Variants in RBM34 observed in about 807,000 individuals in gnomAD.
The protein encoded by RBM34 is RNA-binding protein 34.
Under a neutral mutation model 44.6 loss-of-function variants are expected in RBM34, and 39 were observed. The observed-to-expected ratio is 0.87, with a 90% CI of 0.68 to 1.14. The LOEUF (loss-of-function observed/expected upper bound fraction) is 1.14, where lower values mean the gene tolerates loss of function less well. Among genes scored for constraint, RBM34 ranks in the 50% most tolerant of loss-of-function variants. The pLI, the probability that RBM34 is intolerant of heterozygous loss-of-function variation, is 0.00. For missense variants in RBM34, 572 were observed against 517.9 expected (o/e 1.10, Z -1.01); for synonymous variants, 194 against 184.0 (o/e 1.05, Z -0.44).
At chr1:235,141,383 T>G (rs1033788775) in intron 6 of RBM34, among the ~76,000 whole-genome samples, 1 of 152,186 alleles carries the variant, frequency 6.6e-6, no homozygotes, top group Non-Finnish European at 1.5e-5. Flanking sequence ...TGGAGAACCT[T>G]TGTGTCGATA....
At chr1:235,137,826 C>A in intron 8 of RBM34, 51 bp downstream of exon 8, 1 of 1,397,910 alleles carries the variant, frequency 7.2e-7, no homozygotes. Context: ...TGGAAGGAAA[C>A]ATTTCTCTCT....
intron 4 of RBM34, among the ~76,000 whole-genome samples, chr1:235,154,183 T>C (rs1175152061): frequency 3.4e-5 from 5 of 147,888 alleles, no homozygotes; most frequent in South Asian, 2.1e-4. Flanking sequence ...GAGGCGGAGC[T>C]TGCAGTGAAC....
Position 235,160,663 on chromosome 1 carries a change from A to C in RBM34, c.229-16T>G. ...TGATGGTTTGCTTTTTAAAAGTTTG[A>C]AGTTATATTTGAGACCCCATACTTC... On this transcript the variant is annotated splice_polypyrimidine_tract_variant and intron_variant, in intron 2 of 10. Transcript: ENST00000408888. 6.2e-7 allele frequency: 1 copy of C among 1,608,086 alleles called. No individual in the cohort carries two copies. Among genetic ancestry groups the C allele is most frequent in the Non-Finnish European group, 8.5e-7 (1 of 1,178,130 alleles).
chr1:235,160,268 A>C (rs750752754), intron 3 of RBM34: 21 of 639,546 alleles, frequency 3.3e-5, no homozygotes, highest in South Asian at 3.0e-4. Context: ...AACAAAAACA[A>C]ATAATGAGGG....
chr1:235,145,631 C>T (rs1661870166), intron 6 of RBM34, among the ~76,000 whole-genome samples: 1 of 152,152 alleles, frequency 6.6e-6, no homozygotes, highest in African/African-American at 2.4e-5. Context: ...GATGTGGGAA[C>T]ATAAATAGGT....
At chr1:235,150,372 C>T (rs1351702853) in intron 5 of RBM34, among the ~76,000 whole-genome samples, 1 of 152,112 alleles carries the variant, frequency 6.6e-6, no homozygotes, top group African/African-American at 2.4e-5. Context: ...ACCCGGCCTA[C>T]ATCCTGTCAT....
At chr1:235,160,082 T>G (rs1214743379) in intron 3 of RBM34, 1 of 306,162 alleles carries the variant, frequency 3.3e-6, no homozygotes, top group Non-Finnish European at 6.5e-6. Flanking sequence ...GGTGAAACCC[T>G]GTCTCCACTA....
Position 235,137,884 on chromosome 1 carries a change from G to A in RBM34, c.842C>T (p.Thr281Ile), listed in dbSNP as rs1360155554. Residue 281 changes from threonine (T) to isoleucine (I), a missense_variant, in exon 8 of 11, where the codon ACC becomes ATC. Thr to Ile is a moderately conservative substitution (Grantham distance 89, BLOSUM62 -1). Coordinates refer to ENST00000408888, the MANE Select transcript of RBM34 (RefSeq NM_015014.4). ...FRIRVDLASETSSRDKRSVFV... is the reference protein window; with the variant it reads ...FRIRVDLASEISSRDKRSVFV... Reference sequence around the variant, plus strand: ...AAATCAAGTACTACTTACAGATGAGGTCTCAGATGCGAGATCAACTCTAAT... The same window carrying A: ...AAATCAAGTACTACTTACAGATGAGATCTCAGATGCGAGATCAACTCTAAT... 1.3e-6 allele frequency: 2 copies of A among 1,595,790 alleles called. No individual in the cohort carries two copies. Among genetic ancestry groups the A allele is most frequent in the Non-Finnish European group, 1.7e-6 (2 of 1,166,566 alleles).
At chr1:235,158,454 G>T (rs569108585) in intron 3 of RBM34, among the ~76,000 whole-genome samples, 1 of 150,888 alleles carries the variant, frequency 6.6e-6, no homozygotes, top group Admixed American at 6.6e-5. Context: ...CGAGGGATAA[G>T]GGAAAGAGGC....
intron 3 of RBM34, among the ~76,000 whole-genome samples, chr1:235,158,340 C>T (rs1333690085): frequency 6.6e-6 from 1 of 151,816 alleles, no homozygotes; most frequent in Non-Finnish European, 1.5e-5. Context: ...TCGCTTGAAC[C>T]CAGAGGCGGA....
At position 235,160,765 on chromosome 1, in the gene RBM34, T is replaced by C. The variant is rs994587603; in HGVS notation, c.229-118A>G. 78 of 1,505,904 alleles carry C rather than the reference T, an allele frequency of 5.2e-5. No individual in the cohort carries two copies. The African/African-American group carries it at 1.0e-3, about 20-fold the overall frequency. 93.3% of individuals were successfully genotyped at this position (1,505,904 alleles called of 1,614,324 possible). On this transcript the variant is annotated intron_variant, in intron 2 of 10. Coordinates refer to ENST00000408888, the MANE Select transcript of RBM34 (RefSeq NM_015014.4). The stretch of plus-strand genomic sequence containing the variant: ...CTCTCTCACTGGTATGTAAGAGTCA[T>C]GAAAGGTTACTTAAAATGAATCCTG...
At chr1:235,157,187 G>A (rs1662485770) in intron 3 of RBM34, among the ~76,000 whole-genome samples, 1 of 152,178 alleles carries the variant, frequency 6.6e-6, no homozygotes, top group Admixed American at 6.6e-5. Context: ...GCAGAAGAGT[G>A]GAAGATAATT....
intron 6 of RBM34, among the ~76,000 whole-genome samples, chr1:235,144,715 TCTG>T (rs1661831554): frequency 1.3e-5 from 2 of 152,008 alleles, no homozygotes; most frequent in Admixed American, 1.3e-4. Flanking sequence ...TCACTGCACT[TCTG>T]CTGGAGAACA....
intron 5 of RBM34, among the ~76,000 whole-genome samples, chr1:235,150,647 C>T (rs1302927273): frequency 6.6e-6 from 1 of 152,060 alleles, no homozygotes; most frequent in East Asian, 1.9e-4. Context: ...TGGAGAACTG[C>T]CAAGCTAAGA....
chr1:235,160,133 A>C, intron 3 of RBM34: 1 of 366,704 alleles, frequency 2.7e-6, no homozygotes, highest in Non-Finnish European at 5.3e-6. Context: ...GCAGGCCTGT[A>C]GTCCCACCTA....
chr1:235,138,093 T>G lies in RBM34; in HGVS notation c.783A>C (p.Lys261Asn). The G allele has an allele frequency of 6.2e-7, 1 of 1,604,482 alleles. No individual in the cohort carries two copies. The highest frequency in any genetic ancestry group is 8.5e-7 in the Non-Finnish European group (1 of 1,174,780). The change falls in exon 7 of 11, where the codon AAA (lysine) becomes AAC (asparagine). Residue 261 changes from lysine to asparagine, a missense_variant and splice_region_variant. By Grantham distance (94) the Lys-to-Asn change is moderately conservative (BLOSUM62 0). Transcript: ENST00000408888. ...KEESAATQAL[K>N]RNGAQIADGF... is the part of the protein sequence containing the mutation. The stretch of plus-strand genomic sequence containing the variant: ...TCAAACCTAAGGGATAAAATTACCT[T>G]TTCAATGCTTGCGTGGCAGCACTCT...
intron 6 of RBM34, among the ~76,000 whole-genome samples, chr1:235,147,424 A>G (rs1346866738): frequency 6.6e-6 from 1 of 152,220 alleles, no homozygotes; most frequent in Admixed American, 6.5e-5. Flanking sequence ...TCATACAGAA[A>G]TAAAAGTATG....
At chr1:235,141,825 C>T (rs186266148) in intron 6 of RBM34, among the ~76,000 whole-genome samples, 6 of 152,196 alleles carry the variant, frequency 3.9e-5, no homozygotes, top group Admixed American at 6.5e-5. Context: ...AGTGAGACCA[C>T]GAACCCACCA....
intron 6 of RBM34, among the ~76,000 whole-genome samples, chr1:235,140,368 C>T (rs934498395): frequency 6.6e-6 from 1 of 152,140 alleles, no homozygotes; most frequent in South Asian, 2.1e-4. Context: ...TGGCGGGCCC[C>T]GCACTCGGAG....
Sources: allele counts gnomAD v4.1 joint callset (sites outside exome capture counted in the v4.1 genomes callset), GRCh38; gene constraint gnomAD v4.1.1; transcripts MANE v1.5; gene names NCBI Gene and HGNC (gene_info 2026-07-23, HGNC 2026-07-21).